Variants in BORCS5 observed in about 807,000 individuals in gnomAD.
The protein encoded by BORCS5 is BLOC-1 related complex subunit 5.
In BORCS5, 17 loss-of-function variants were observed where a neutral mutation model predicts 22.1. That is an observed-to-expected ratio of 0.77 (90% CI 0.53 to 1.15). The LOEUF (loss-of-function observed/expected upper bound fraction) is 1.15, where lower values mean the gene tolerates loss of function less well. BORCS5 is among the 50% of genes most tolerant of loss of function. The pLI is 0.00. For synonymous variants in BORCS5, 117 were observed against 99.8 expected (o/e 1.17, Z -1.03); for missense variants, 247 against 253.2 (o/e 0.98, Z 0.17).
At chr12:12,395,451 T>A (rs996388332) in intron 2 of BORCS5, among the ~76,000 whole-genome samples, 2 of 147,264 alleles carry the variant, frequency 1.4e-5, no homozygotes, top group African/African-American at 5.1e-5. Context: ...TTTTTTTTTT[T>A]TTTTTTTGTA....
intron 2 of BORCS5, among the ~76,000 whole-genome samples, chr12:12,368,606 A>ATTT (rs563081728): frequency 0.15 from 21,672 of 140,506 alleles, 4,041 homozygotes; most frequent in African/African-American, 0.45. Context: ...CACCTGGCTA[A>ATTT]TTTTTTTTTT....
At chr12:12,386,901 A>AT (rs1863896171) in intron 2 of BORCS5, among the ~76,000 whole-genome samples, 2 of 150,318 alleles carry the variant, frequency 1.3e-5, no homozygotes, top group Non-Finnish European at 3.0e-5. Context: ...GAATATATGT[A>AT]TTTTTTTTCT....
intron 2 of BORCS5, among the ~76,000 whole-genome samples, chr12:12,372,915 A>G (rs1304474140): frequency 6.6e-6 from 1 of 151,956 alleles, no homozygotes; most frequent in Non-Finnish European, 1.5e-5. Flanking sequence ...AATCCTACCC[A>G]CTTTAGTTTC....
At chr12:12,359,608 T>C (rs1863229999) in intron 1 of BORCS5, among the ~76,000 whole-genome samples, 2 of 150,752 alleles carry the variant, frequency 1.3e-5, no homozygotes, top group African/African-American at 2.4e-5. Context: ...GTGATCCACC[T>C]GGCTTGGCCT....
chr12:12,410,026 T>G lies in BORCS5; in HGVS notation c.203-25602T>G, dbSNP rs916333172. 2.4e-3 allele frequency among the ~76,000 whole-genome samples: 367 copies of G among 152,324 alleles called. 1 individual carries two copies. Among genetic ancestry groups the G allele is most frequent in the African/African-American group, 8.5e-3 (354 of 41,562 alleles). On this transcript the variant is annotated intron_variant, in intron 2 of 3. Transcript: ENST00000314565. ...TGTGTTTTTTGGCTGCATAAATGTCTTCTTTTGAGAAGTGTCTGTTCATAT... is the reference window on the plus strand; with the variant it reads ...TGTGTTTTTTGGCTGCATAAATGTCGTCTTTTGAGAAGTGTCTGTTCATAT...
Position 12,359,323 on chromosome 12 carries a change from G to A in BORCS5, c.58+1814G>A, listed in dbSNP as rs75253197. 2.2e-3 allele frequency among the ~76,000 whole-genome samples: 336 copies of A among 151,554 alleles called. 7 individuals are homozygous for A. In the East Asian group the frequency reaches 0.045, roughly 20 times the overall value. On this transcript the variant is annotated intron_variant, in intron 1 of 3. Transcript: ENST00000314565. The stretch of plus-strand genomic sequence containing the variant: ...CAGGTGGGAGGATTGCTGGAGCCCA[G>A]GAGTTTAAATCCAGCCTGGGCGATG...
In BORCS5 at chr12:12,384,716, C is replaced by A. The variant is rs76333535; in HGVS notation, c.202+23367C>A. On this transcript the variant is annotated intron_variant, in intron 2 of 3. Transcript: ENST00000314565. ...ACCCCACACCCTCCTTTTTAAAAGA[C>A]GACAATCACTTTATTATCTCTCAGA... is the stretch of plus-strand genomic sequence containing the variant. 1.6e-4 allele frequency among the ~76,000 whole-genome samples: 24 copies of A among 151,124 alleles called. No homozygotes were observed. The East Asian group carries it at 4.4e-3, about 28-fold the overall frequency.
At chr12:12,449,550 G>T (rs558443285) in intron 3 of BORCS5, among the ~76,000 whole-genome samples, 1 of 152,180 alleles carries the variant, frequency 6.6e-6, no homozygotes, top group Non-Finnish European at 1.5e-5. Context: ...AGAAGGCATC[G>T]GGGAAACTGG....
chr12:12,400,752 C>A (rs1315248851), intron 2 of BORCS5, among the ~76,000 whole-genome samples: 2 of 152,188 alleles, frequency 1.3e-5, no homozygotes, highest in Non-Finnish European at 2.9e-5. Flanking sequence ...CTGATATTCC[C>A]TCCTCCTCCC....
At chr12:12,410,548 A>T (rs1225641656) in intron 2 of BORCS5, among the ~76,000 whole-genome samples, 1 of 151,840 alleles carries the variant, frequency 6.6e-6, no homozygotes, top group Non-Finnish European at 1.5e-5. Context: ...GATATGCGGC[A>T]TTATTTCTGA....
intron 3 of BORCS5, among the ~76,000 whole-genome samples, chr12:12,437,280 G>A (rs563173794): frequency 6.8e-4 from 103 of 152,278 alleles, no homozygotes; most frequent in Middle Eastern, 3.4e-3. Flanking sequence ...CTTGCCTGCC[G>A]CCATGTAAGA....
chr12:12,452,736 A>G (rs1353645702), intron 3 of BORCS5, among the ~76,000 whole-genome samples: 2 of 152,256 alleles, frequency 1.3e-5, no homozygotes, highest in South Asian at 2.1e-4. Context: ...ATTGTTGTCC[A>G]TTGTGCTAGA....
chr12:12,409,969 T>G (rs1941685731), intron 2 of BORCS5, among the ~76,000 whole-genome samples: 1 of 152,284 alleles, frequency 6.6e-6, no homozygotes, highest in Non-Finnish European at 1.5e-5. Flanking sequence ...TTTTCATTTC[T>G]CTGATGGCCA....
chr12:12,417,221 C>G (rs1156776723), intron 2 of BORCS5, among the ~76,000 whole-genome samples: 1 of 152,018 alleles, frequency 6.6e-6, no homozygotes, highest in African/African-American at 2.4e-5. Context: ...CTTCATTGAT[C>G]TGTTGGTTGT....
intron 2 of BORCS5, among the ~76,000 whole-genome samples, chr12:12,430,091 G>C (rs932743805): frequency 6.6e-6 from 1 of 151,316 alleles, no homozygotes; most frequent in Admixed American, 6.6e-5. Context: ...TAAGCAAAAC[G>C]TGGTCCCTGT....
chr12:12,423,612 A>G (rs1001863641), intron 2 of BORCS5, among the ~76,000 whole-genome samples: 1 of 151,556 alleles, frequency 6.6e-6, no homozygotes, highest in Admixed American at 6.6e-5. Context: ...CTGATGAGAA[A>G]TCTGTTGATA....
At chr12:12,414,917 C>T (rs1382246759) in intron 2 of BORCS5, among the ~76,000 whole-genome samples, 2 of 145,832 alleles carry the variant, frequency 1.4e-5, no homozygotes, top group Non-Finnish European at 3.0e-5. Flanking sequence ...GACAGGGCGG[C>T]GGGGCAGAGG....
At chr12:12,416,785 T>TC (rs1479956851) in intron 2 of BORCS5, among the ~76,000 whole-genome samples, 1 of 148,456 alleles carries the variant, frequency 6.7e-6, no homozygotes, top group Non-Finnish European at 1.5e-5. Context: ...TAAACTTTTT[T>TC]TTTTTTTTTT....
chr12:12,411,609 T>C (rs544209066), intron 2 of BORCS5, among the ~76,000 whole-genome samples: 10 of 152,312 alleles, frequency 6.6e-5, no homozygotes, highest in Admixed American at 4.6e-4. Flanking sequence ...AGTTTTAAAA[T>C]TTTCATTGTC....
Sources: allele counts gnomAD v4.1 joint callset (sites outside exome capture counted in the v4.1 genomes callset), GRCh38; gene constraint gnomAD v4.1.1; transcripts MANE v1.5; gene names NCBI Gene and HGNC (gene_info 2026-07-23, HGNC 2026-07-21).